SYNE2: variants seen among roughly 807,000 people sequenced by gnomAD.
SYNE2 encodes nesprin-2.
A neutral mutation model predicts 856.3 loss-of-function variants in SYNE2; 431 were observed. That is an observed-to-expected ratio of 0.50 (90% CI 0.47 to 0.55). The LOEUF is 0.55. SYNE2 is among the 20% of genes least tolerant of loss of function. SYNE2 has a pLI of 0.00. For synonymous variants in SYNE2, 2,923 were observed against 2,872.3 expected (o/e 1.02, Z -0.56); for missense variants, 8,129 against 8,023.2 (o/e 1.01, Z -0.50).
chr14:63,761,722 G>A (rs1250143559), upstream of SYNE2, among the ~76,000 whole-genome samples: 2 of 152,192 alleles, frequency 1.3e-5, no homozygotes, highest in East Asian at 3.8e-4. Flanking sequence ...GGAGAAAAAA[G>A]GGGAAAGGTG....
chr14:63,815,205 CATATATATATCCAT>C (rs1888912621), intron 1 of SYNE2, among the ~76,000 whole-genome samples: 2 of 94,612 alleles, frequency 2.1e-5, no homozygotes, highest in African/African-American at 7.4e-5. Context: ...TATATATATC[CATATATATATCCAT>C]ATATATATCC....
chr14:63,998,212 C>G lies in SYNE2; in HGVS notation c.3244-7C>G. 1.9e-6 allele frequency: 3 copies of G among 1,597,244 alleles called. No individual in the cohort carries two copies. The highest frequency in any genetic ancestry group is 2.6e-6 in the Non-Finnish European group (3 of 1,164,574). ...TATTTCGTTTACTATTTTGCATATT[C>G]CCTTAGGCAATGGAACCCACTATGA... On this transcript the variant is annotated splice_polypyrimidine_tract_variant and splice_region_variant and intron_variant, in intron 25 of 115. Coordinates refer to ENST00000555002, the MANE Select transcript of SYNE2 (RefSeq NM_182914.3).
intron 1 of SYNE2, among the ~76,000 whole-genome samples, chr14:63,800,368 C>T (rs1888086231): frequency 6.6e-6 from 1 of 152,088 alleles, no homozygotes; most frequent in Admixed American, 6.6e-5. Context: ...TTACAGGCAT[C>T]TGCCACCCAA....
intron 1 of SYNE2, among the ~76,000 whole-genome samples, chr14:63,764,539 A>T (rs1442792015): frequency 1.4e-5 from 2 of 144,486 alleles, no homozygotes; most frequent in Non-Finnish European, 3.0e-5. Context: ...TAAAAAAAAA[A>T]ATCTGTTCTT....
chr14:64,056,982 CT>C lies in SYNE2; in HGVS notation c.10067+724del, dbSNP rs914968856. Among the ~76,000 whole-genome samples, 16 of 151,442 alleles carry C rather than the reference CT, an allele frequency of 1.1e-4. No individual in the cohort carries two copies. The East Asian group carries it at 2.5e-3, about 24-fold the overall frequency. On this transcript the variant is annotated intron_variant, in intron 49 of 115. Coordinates refer to ENST00000555002, the MANE Select transcript of SYNE2 (RefSeq NM_182914.3). The stretch of plus-strand genomic sequence containing the variant: ...TAGTGTGTGCATTCTTCTGTTATTT[CT>C]TTTTTTTAATTTTTAATTTTTGTGA...
At chr14:64,187,542 G>A (rs569345001) in intron 97 of SYNE2, among the ~76,000 whole-genome samples, 77 of 152,272 alleles carry the variant, frequency 5.1e-4, no homozygotes, top group African/African-American at 1.7e-3. Context: ...CAGATGCCCC[G>A]AGGAATGGAA....
chr14:63,772,377 A>T (rs887884459), intron 1 of SYNE2, among the ~76,000 whole-genome samples: 6 of 151,870 alleles, frequency 4.0e-5, no homozygotes, highest in African/African-American at 1.5e-4. Flanking sequence ...CAAACAAACA[A>T]AAAACCTCAG....
intron 45 of SYNE2, among the ~76,000 whole-genome samples, chr14:64,039,983 G>A (rs1228380596): frequency 3.3e-5 from 5 of 152,158 alleles, no homozygotes; most frequent in Admixed American, 2.6e-4. Flanking sequence ...AAGAGGTCTT[G>A]CATGAGAAAC....
chr14:63,949,855 A>G lies in SYNE2; in HGVS notation c.439A>G (p.Asn147Asp). Residue 147 changes from asparagine (N) to aspartate (D), a missense_variant, in exon 7 of 116, where the codon AAT becomes GAT. This residue lies in a region of SYNE2 where 2,422 missense variants were observed against 2,357.4 expected (regional missense o/e 1.03). Coordinates refer to ENST00000555002, the MANE Select transcript of SYNE2 (RefSeq NM_182914.3). ...GAAGCTTGCCCAGACTCTTTCTTGC[A>G]ATTACAATCAGCCTTCCCTGGATGA... ...IEKLAQTLSC[N>D]YNQPSLDDVS... 1.9e-6 allele frequency: 3 copies of G among 1,614,126 alleles called. No individual in the cohort carries two copies. Among genetic ancestry groups the G allele is most frequent in the Non-Finnish European group, 2.5e-6 (3 of 1,180,000 alleles).
chr14:63,867,611 T>C (rs988239440), intron 1 of SYNE2, among the ~76,000 whole-genome samples: 16 of 152,032 alleles, frequency 1.1e-4, no homozygotes, highest in African/African-American at 3.9e-4. Flanking sequence ...GGCAGGAGAA[T>C]CGCTTGAACC....
intron 85 of SYNE2, among the ~76,000 whole-genome samples, chr14:64,157,680 C>G (rs1282909056): frequency 6.6e-6 from 1 of 152,122 alleles, no homozygotes; most frequent in Non-Finnish European, 1.5e-5. Flanking sequence ...GTGACTGTAC[C>G]ATTTTACATT....
At chr14:64,080,660 G>T (rs746373933) in intron 56 of SYNE2, 22 bp downstream of exon 56, 1 of 1,612,786 alleles carries the variant, frequency 6.2e-7, no homozygotes, top group East Asian at 2.2e-5. Context: ...ACTCGTAATA[G>T]CTTCATATCA....
chr14:63,849,195 T>C (rs1181492960), upstream of SYNE2, among the ~76,000 whole-genome samples: 1 of 151,870 alleles, frequency 6.6e-6, no homozygotes, highest in African/African-American at 2.4e-5. Flanking sequence ...AAAAATATTG[T>C]AGCCAAAGAT....
chr14:64,219,403 G>A lies in SYNE2; in HGVS notation c.19853G>A (p.Arg6618Lys). ...DIQEIELRVK[R>K]LQEILKAFDT... The stretch of plus-strand genomic sequence containing the variant: ...CAGGAAATAGAACTGAGAGTGAAGA[G>A]ACTGCAGGTGAGTTAGAGGTGTGGT... Residue 6618 changes from arginine to lysine, a missense_variant, in exon 110 of 116, where the codon AGA becomes AAA. Physicochemically the swap from Arg to Lys is conservative, Grantham distance 26. Around this residue, in one of 3 missense-constraint regions of SYNE2, gnomAD observed 5,410 missense variants for 5,284.8 expected, o/e 1.02. Transcript: ENST00000555002. 6.2e-7 allele frequency: 1 copy of A among 1,614,078 alleles called. No homozygotes were observed. Among genetic ancestry groups the A allele is most frequent in the African/African-American group, 1.3e-5 (1 of 75,046 alleles).
chr14:63,869,824 T>G (rs1896433175), intron 1 of SYNE2, among the ~76,000 whole-genome samples: 1 of 152,154 alleles, frequency 6.6e-6, no homozygotes, highest in African/African-American at 2.4e-5. Context: ...ACCCCATTGC[T>G]GGAATATCCA....
Position 63,873,297 on chromosome 14 carries a change from CTTT to C in SYNE2, c.-52+20162_-52+20164del. 2 of 150,380 alleles carry C rather than the reference CTTT, an allele frequency of 1.3e-5. 1 individual carries two copies. Among genetic ancestry groups the C allele is most frequent in the Non-Finnish European group, 3.0e-5 (2 of 67,560 alleles). The allele number at this position is 150,380 out of a possible 1,614,324, so 9.3% of individuals were successfully genotyped here. A position where few individuals can be genotyped will look rare whatever the true frequency, so the allele number is the denominator to read the frequency against. ...CTTTATTTAGAATGGATATGACTTA[CTTT>C]TTTTTTTGATAAAGATTAATTTCCC... On this transcript the variant is annotated intron_variant, in intron 1 of 115. Transcript: ENST00000555002.
At chr14:64,188,799 G>C (rs1468026635) in intron 98 of SYNE2, 91 bp downstream of exon 98, 21 of 1,354,850 alleles carry the variant, frequency 1.5e-5, no homozygotes, top group Non-Finnish European at 1.7e-5. Flanking sequence ...GCAATGTTAC[G>C]GGTGTTTCCA....
intron 1 of SYNE2, among the ~76,000 whole-genome samples, chr14:63,825,877 AAAAG>A (rs1380185164): frequency 6.6e-6 from 1 of 152,196 alleles, no homozygotes; most frequent in East Asian, 1.9e-4. Flanking sequence ...TGTCTCAAAA[AAAAG>A]AGAAAGAAAT....
At chr14:64,093,972 T>C (rs111485153) in intron 61 of SYNE2, among the ~76,000 whole-genome samples, 1 of 152,198 alleles carries the variant, frequency 6.6e-6, no homozygotes, top group African/African-American at 2.4e-5. Context: ...TGAATACTAT[T>C]GTAATGAAGA....
Sources: allele counts gnomAD v4.1 joint callset (sites outside exome capture counted in the v4.1 genomes callset), GRCh38; gene constraint gnomAD v4.1.1; regional missense constraint gnomAD v4.1.1; transcripts MANE v1.5; gene names NCBI Gene and HGNC (gene_info 2026-07-23, HGNC 2026-07-21).